The following ARK2N variants were observed in gnomAD, a reference collection of about 807,000 sequenced individuals.
ARK2N encodes the protein protein ARK2N.
At chr18:46,190,419 C>T in the ARK2N span, among the ~76,000 whole-genome samples, 1 of 143,132 alleles carries the variant, frequency 7.0e-6, no homozygotes, top group African/African-American at 2.6e-5. Context: ...ACTCGGGAGT[C>T]TGAGGTTGCG....
chr18:46,199,390 G>A, the ARK2N span, among the ~76,000 whole-genome samples: 1 of 151,344 alleles, frequency 6.6e-6, no homozygotes, highest in African/African-American at 2.4e-5. Flanking sequence ...TCTCGGCTCA[G>A]TGCAACCTCT....
chr18:46,261,875 C>T, the ARK2N span, among the ~76,000 whole-genome samples: 1 of 152,146 alleles, frequency 6.6e-6, no homozygotes. Context: ...GCAACTGAAT[C>T]GTGTCCATTG....
At chr18:46,220,287 G>T in the ARK2N span, among the ~76,000 whole-genome samples, 27 of 152,258 alleles carry the variant, frequency 1.8e-4, no homozygotes, top group South Asian at 5.6e-3. Context: ...AATCCATGCA[G>T]CCAGGCTAGA....
the ARK2N span, among the ~76,000 whole-genome samples, chr18:46,176,646 A>G: frequency 1.3e-5 from 2 of 148,376 alleles, no homozygotes; most frequent in Admixed American, 1.3e-4. Flanking sequence ...TTTTTTTGAG[A>G]TGGAGTTTTG....
the ARK2N span, among the ~76,000 whole-genome samples, chr18:46,240,887 TAATTTA>T: frequency 6.6e-6 from 1 of 152,266 alleles, no homozygotes; most frequent in African/African-American, 2.4e-5. Context: ...TTCAGCATTC[TAATTTA>T]AACCTTGTTT....
the ARK2N span, among the ~76,000 whole-genome samples, chr18:46,197,884 C>T: frequency 1.3e-5 from 2 of 152,164 alleles, no homozygotes; most frequent in South Asian, 4.1e-4. Context: ...TTTTCCATCT[C>T]ATATTTTTTG....
At chr18:46,203,032 A>G in the ARK2N span, among the ~76,000 whole-genome samples, 11 of 152,204 alleles carry the variant, frequency 7.2e-5, no homozygotes, top group African/African-American at 2.7e-4. Context: ...ACTCTCAGAC[A>G]TTGTTGGCAG....
At chr18:46,212,677 TCA>T in the ARK2N span, among the ~76,000 whole-genome samples, 1 of 152,180 alleles carries the variant, frequency 6.6e-6, no homozygotes, top group Non-Finnish European at 1.5e-5. Context: ...AAATTAAATC[TCA>T]GTTAACACTC....
the ARK2N span, among the ~76,000 whole-genome samples, chr18:46,245,262 G>C: frequency 6.6e-6 from 1 of 152,106 alleles, no homozygotes; most frequent in East Asian, 1.9e-4. Context: ...GTTGTTTAAC[G>C]TGCTGTTTAA....
At chr18:46,221,493 G>A in the ARK2N span, among the ~76,000 whole-genome samples, 6 of 149,972 alleles carry the variant, frequency 4.0e-5, no homozygotes, top group Non-Finnish European at 7.4e-5. Flanking sequence ...CTGGGAGGTG[G>A]ATGTTGCAGT....
chr18:46,256,097 A>G, the ARK2N span, among the ~76,000 whole-genome samples: 1 of 152,220 alleles, frequency 6.6e-6, no homozygotes, highest in African/African-American at 2.4e-5. Context: ...TTGACAGGTC[A>G]GTGTGGGTGA....
the ARK2N span, among the ~76,000 whole-genome samples, chr18:46,205,007 G>A: frequency 1.3e-5 from 2 of 150,702 alleles, no homozygotes; most frequent in African/African-American, 2.4e-5. Flanking sequence ...GCAGTGGTGC[G>A]ATCTCGGCTC....
the ARK2N span, among the ~76,000 whole-genome samples, chr18:46,224,034 C>G: frequency 6.6e-6 from 1 of 152,082 alleles, no homozygotes; most frequent in East Asian, 1.9e-4. Flanking sequence ...ATAATCTAGC[C>G]TAGTTCAAGG....
At chr18:46,225,280 T>C in the ARK2N span, among the ~76,000 whole-genome samples, 3 of 152,258 alleles carry the variant, frequency 2.0e-5, no homozygotes, top group Admixed American at 2.0e-4. Flanking sequence ...GTCCAAATAT[T>C]GACAGTATGT....
chr18:46,213,376 A>G, the ARK2N span, among the ~76,000 whole-genome samples: 2 of 151,892 alleles, frequency 1.3e-5, no homozygotes, highest in Admixed American at 1.3e-4. Flanking sequence ...ATTCAGTTAG[A>G]AAATCTTTGT....
the ARK2N span, among the ~76,000 whole-genome samples, chr18:46,178,634 T>C: frequency 5.3e-5 from 8 of 152,150 alleles, no homozygotes; most frequent in African/African-American, 1.9e-4. Context: ...TAAAGATTTT[T>C]CTGGGGCTAC....
At chr18:46,206,765 C>T in the ARK2N span, among the ~76,000 whole-genome samples, 1 of 151,960 alleles carries the variant, frequency 6.6e-6, no homozygotes, top group Non-Finnish European at 1.5e-5. Flanking sequence ...CTCTCTCTGC[C>T]ATAGCCCTTT....
the ARK2N span, among the ~76,000 whole-genome samples, chr18:46,189,903 A>G: frequency 3.3e-5 from 5 of 152,300 alleles, no homozygotes; most frequent in Non-Finnish European, 5.9e-5. Flanking sequence ...TTAAATGTGT[A>G]TAACCTAATT....
chr18:46,197,552 A>G, the ARK2N span, among the ~76,000 whole-genome samples: 2 of 152,238 alleles, frequency 1.3e-5, no homozygotes, highest in Admixed American at 1.3e-4. Flanking sequence ...CTCTCTTTAC[A>G]GCATTTAATT....
Sources: gnomAD v4.1 joint callset for allele counts (sites outside exome capture counted in the v4.1 genomes callset) on GRCh38, gnomAD v4.1.1 for gene constraint, MANE v1.5 for transcripts, NCBI Gene and HGNC (gene_info 2026-07-23, HGNC 2026-07-21) for gene names.